The following TMEM181 variants were observed in gnomAD, a reference collection of about 807,000 sequenced individuals.
TMEM181 encodes the protein transmembrane protein 181.
Under a neutral mutation model 71.9 loss-of-function variants are expected in TMEM181, and 39 were observed. The observed-to-expected ratio is 0.54, with a 90% confidence interval of 0.42 to 0.71. The LOEUF is 0.71. Among genes scored for constraint, TMEM181 ranks in the 30% least tolerant of loss-of-function variants. The pLI is 0.00. For missense variants in TMEM181, 595 were observed against 583.0 expected, an observed-to-expected ratio of 1.02 and a Z score of -0.21; for synonymous variants, 245 against 228.8, an observed-to-expected ratio of 1.07 and a Z score of -0.64.
intron 5 of TMEM181, among the ~76,000 whole-genome samples, chr6:158,588,679 C>T (rs1582993046): frequency 6.6e-6 from 1 of 152,170 alleles, no homozygotes; most frequent in East Asian, 1.9e-4. Flanking sequence ...TTGAACTAGC[C>T]TCAAGTGATC....
Position 158,584,023 on chromosome 6 carries a change from G to C in TMEM181, c.238G>C (p.Val80Leu). Residue 80 changes from valine to leucine, a missense_variant, in exon 4 of 17, where the codon GTT becomes CTT. Val to Leu is a conservative substitution (Grantham distance 32, BLOSUM62 1). Coordinates refer to ENST00000684151, the MANE Select transcript of TMEM181 (RefSeq NM_001376852.1). Reference sequence around the variant, plus strand: ...TCAGCAACTATGGCTGACATGTGTTGTTGAGTTGGATCAATCAAAAGGTAT... The same window carrying C: ...TCAGCAACTATGGCTGACATGTGTTCTTGAGTTGGATCAATCAAAAGGTAT... ...YNQQLWLTCV[V>L]ELDQSKETSI... is the part of the protein sequence containing the mutation. The C allele has an allele frequency of 6.2e-7, 1 of 1,611,898 alleles. No individual in the cohort carries two copies. The highest frequency in any genetic ancestry group is 8.5e-7 in the Non-Finnish European group (1 of 1,178,816).
intron 6 of TMEM181, among the ~76,000 whole-genome samples, chr6:158,601,271 A>G (rs1306896310): frequency 6.6e-6 from 1 of 152,242 alleles, no homozygotes; most frequent in Non-Finnish European, 1.5e-5. Context: ...ATGATAGGCC[A>G]GGCATGGTAG....
At chr6:158,572,594 C>T (rs562343620) in intron 1 of TMEM181, 2 of 394,396 alleles carry the variant, frequency 5.1e-6, no homozygotes, top group South Asian at 1.8e-5. Context: ...CTGTGCCTTG[C>T]GACAGAGACC....
Position 158,631,916 on chromosome 6 carries a change from G to C in TMEM181, c.*28G>C. On this transcript the variant is annotated 3_prime_UTR_variant, in exon 17 of 17. Transcript: ENST00000684151. ...CCCGGCCAGCCCAGCGAGGCGACAA[G>C]ATGCCTGGATGCTTTCCCCGGTGAC... The C allele has an allele frequency of 6.4e-7, 1 of 1,554,454 alleles. No homozygotes were observed. The highest frequency in any genetic ancestry group is 1.2e-5 in the South Asian group (1 of 84,790).
At chr6:158,587,948 C>A (rs1325284865) in intron 5 of TMEM181, among the ~76,000 whole-genome samples, 3 of 152,170 alleles carry the variant, frequency 2.0e-5, no homozygotes, top group Non-Finnish European at 2.9e-5. Context: ...TTAAGCCATC[C>A]CTTCCTGTAT....
chr6:158,576,715 G>A (rs757330941), intron 2 of TMEM181, among the ~76,000 whole-genome samples: 1 of 152,134 alleles, frequency 6.6e-6, no homozygotes, highest in Non-Finnish European at 1.5e-5. Context: ...AGGAAGGGGA[G>A]AGTCTGGTTT....
upstream of TMEM181, among the ~76,000 whole-genome samples, chr6:158,559,926 G>A (rs1782051288): frequency 6.6e-6 from 1 of 152,032 alleles, no homozygotes; most frequent in African/African-American, 2.4e-5. Flanking sequence ...CCCCAGCTCA[G>A]GGCTAGCCTG....
At chr6:158,600,676 G>GC (rs1784620898) in intron 6 of TMEM181, among the ~76,000 whole-genome samples, 1 of 151,970 alleles carries the variant, frequency 6.6e-6, no homozygotes, top group Non-Finnish European at 1.5e-5. Flanking sequence ...TTGCGATGTT[G>GC]CCCAGGCTGG....
chr6:158,557,471 A>G (rs1050256374), upstream of TMEM181, among the ~76,000 whole-genome samples: 24 of 151,818 alleles, frequency 1.6e-4, no homozygotes, highest in African/African-American at 5.6e-4. Flanking sequence ...ACATGATCAT[A>G]GCACCTTTCA....
chr6:158,589,472 T>C (rs553580911), intron 5 of TMEM181, among the ~76,000 whole-genome samples, 200 bp from the exon 6 acceptor site: 12 of 152,332 alleles, frequency 7.9e-5, no homozygotes, highest in Admixed American at 3.3e-4. Context: ...TCATATATTA[T>C]GTTTCCAAAA....
At chr6:158,596,880 A>G (rs1784414087) in intron 6 of TMEM181, among the ~76,000 whole-genome samples, 2 of 152,180 alleles carry the variant, frequency 1.3e-5, no homozygotes, top group South Asian at 2.1e-4. Context: ...CCATGATTCG[A>G]TGACCTCCCC....
intron 11 of TMEM181, 93 bp from the exon 12 acceptor site, chr6:158,625,011 A>G: frequency 2.0e-6 from 2 of 993,880 alleles, no homozygotes; most frequent in Non-Finnish European, 1.6e-6. Context: ...AGTCCCTTCT[A>G]AAAACCTGTG....
upstream of TMEM181, among the ~76,000 whole-genome samples, chr6:158,557,505 A>ATTATTTATTTATTTATTTATTTAT (rs4022177): frequency 1.5e-3 from 222 of 146,940 alleles, 1 homozygote; most frequent in African/African-American, 4.9e-3. Context: ...CACAGCTGTA[A>ATTATTTATTTATTTATTTATTTAT]TTATTTATTT....
chr6:158,618,117 C>G (rs1242322406), intron 10 of TMEM181, among the ~76,000 whole-genome samples: 4 of 152,122 alleles, frequency 2.6e-5, no homozygotes, highest in Non-Finnish European at 4.4e-5. Context: ...AAGTCTAAGT[C>G]TCTTTGTAGG....
intron 1 of TMEM181, among the ~76,000 whole-genome samples, chr6:158,537,296 G>C (rs1018891188): frequency 2.0e-5 from 3 of 152,110 alleles, no homozygotes; most frequent in Non-Finnish European, 4.4e-5. Context: ...GCGGCGTCGG[G>C]AGGAGGGTCT....
At chr6:158,597,036 T>C (rs912302653) in intron 6 of TMEM181, among the ~76,000 whole-genome samples, 6 of 152,238 alleles carry the variant, frequency 3.9e-5, no homozygotes, top group African/African-American at 7.2e-5. Flanking sequence ...TGAGGCTCTG[T>C]TTTCAGTGGA....
intron 10 of TMEM181, among the ~76,000 whole-genome samples, chr6:158,615,150 T>TTG (rs1446500660): frequency 2.0e-5 from 3 of 152,250 alleles, no homozygotes; most frequent in Admixed American, 6.5e-5. Flanking sequence ...CCAGGACCTG[T>TTG]TGTTTCCTGA....
chr6:158,605,132 GTGTGTGT>G (rs1463944983), intron 6 of TMEM181, 128 bp from the exon 7 acceptor site: 7 of 56,858 alleles, frequency 1.2e-4, no homozygotes, highest in African/African-American at 8.1e-4. Context: ...AAAAAAAAAA[GTGTGTGT>G]GTGTGTGTGT....
intron 2 of TMEM181, among the ~76,000 whole-genome samples, chr6:158,579,730 CAAACAAA>C (rs1783367947): frequency 6.6e-6 from 1 of 151,858 alleles, no homozygotes; most frequent in African/African-American, 2.4e-5. Flanking sequence ...AAAAAACAAA[CAAACAAA>C]AAACAAAAAT....
Sources: gnomAD v4.1 joint callset for allele counts (sites outside exome capture counted in the v4.1 genomes callset) on GRCh38, gnomAD v4.1.1 for gene constraint, MANE v1.5 for transcripts, NCBI Gene and HGNC (gene_info 2026-07-23, HGNC 2026-07-21) for gene names.